Variants in PPIL2 observed in about 807,000 individuals in gnomAD.
PPIL2 encodes the protein peptidylprolyl isomerase like 2, also known as RING-type E3 ubiquitin-protein ligase PPIL2.
Under a neutral mutation model 75.2 loss-of-function variants are expected in PPIL2, and 50 were observed. The ratio of observed to expected loss-of-function variants is 0.66; its 90% CI spans 0.53 to 0.84. The LOEUF (loss-of-function observed/expected upper bound fraction) is 0.84. PPIL2 is among the 40% of genes least tolerant of loss of function. The pLI, the probability that PPIL2 is intolerant of heterozygous loss-of-function variation, is 0.00. For synonymous variants in PPIL2, 245 were observed against 258.8 expected, an observed-to-expected ratio of 0.95 and a Z score of 0.51; for missense variants, 590 against 685.0, an observed-to-expected ratio of 0.86 and a Z score of 1.55.
chr22:21,679,754 G>A (rs1167456767), intron 6 of PPIL2, among the ~76,000 whole-genome samples: 1 of 151,706 alleles, frequency 6.6e-6, no homozygotes, highest in Non-Finnish European at 1.5e-5. Flanking sequence ...ACTAATTTGA[G>A]GCTCTAACTT....
chr22:21,692,356 G>T (rs111849349), intron 15 of PPIL2, among the ~76,000 whole-genome samples: 11 of 150,984 alleles, frequency 7.3e-5, no homozygotes, highest in South Asian at 2.1e-4. Flanking sequence ...GGGTTTCACC[G>T]TGTTAGCGAG....
At chr22:21,666,970 A>ACCCCAGAACTG (rs60052262) in intron 1 of PPIL2, among the ~76,000 whole-genome samples, 148,406 of 151,478 alleles carry the variant, frequency 0.98, 72,781 homozygotes, top group African/African-American at 1. Flanking sequence ...CAGAATTTCG[A>ACCCCAGAACTG]CCCCAGAACT....
chr22:21,699,612 G>A (rs73382399), downstream of PPIL2: 2,186 of 152,776 alleles, frequency 0.014, 23 homozygotes, highest in South Asian at 0.037. Flanking sequence ...CAGGCCAGGC[G>A]TCTTCATGCA....
rs1481269449 is a variant in PPIL2 at position 21,676,958 on chromosome 22, C to T, written c.295+1843C>T. Among the ~76,000 whole-genome samples, 9 of 150,996 alleles carry T rather than the reference C, an allele frequency of 6.0e-5. No individual in the cohort carries two copies. The East Asian group carries it at 1.0e-3, about 17-fold the overall frequency. Reference sequence around the variant, plus strand: ...GCCGGGCAGAGGCGCCCCTACCTCCCGGACGGGGCGGCGGCCAGGCGGGGG... The same window carrying T: ...GCCGGGCAGAGGCGCCCCTACCTCCTGGACGGGGCGGCGGCCAGGCGGGGG... On this transcript the variant is annotated intron_variant, in intron 6 of 19. Coordinates refer to ENST00000398831, the MANE Select transcript of PPIL2 (RefSeq NM_014337.4).
chr22:21,693,664 G>A (rs759287102), intron 15 of PPIL2, 152 bp from the exon 16 acceptor site: 5 of 771,690 alleles, frequency 6.5e-6, no homozygotes, highest in African/African-American at 1.7e-5. Context: ...GCCCTGGTGG[G>A]CAGCGCAGGG....
At chr22:21,686,365 C>A in intron 10 of PPIL2, 118 bp from the exon 11 acceptor site, 1 of 958,706 alleles carries the variant, frequency 1.0e-6, no homozygotes. Context: ...GGAGGAGAGG[C>A]ACCAAGCAGG....
intron 1 of PPIL2, among the ~76,000 whole-genome samples, chr22:21,668,670 A>T (rs749983339): frequency 2.8e-4 from 43 of 151,366 alleles, no homozygotes; most frequent in Non-Finnish European, 5.4e-4. Flanking sequence ...AGAAATAGAA[A>T]TCATAAGATT....
intron 5 of PPIL2, among the ~76,000 whole-genome samples, chr22:21,674,131 T>C (rs970014825): frequency 6.6e-6 from 1 of 152,086 alleles, no homozygotes; most frequent in Non-Finnish European, 1.5e-5. Context: ...TGGGTAGGCA[T>C]AGCTGGGCCC....
intron 16 of PPIL2, 27 bp downstream of exon 16, chr22:21,693,899 G>C (rs1054010576): frequency 9.8e-6 from 15 of 1,524,962 alleles, no homozygotes; most frequent in African/African-American, 1.4e-5. Context: ...TGTGAAGCCT[G>C]GGGGGTCAGT....
intron 10 of PPIL2, 71 bp from the exon 11 acceptor site, chr22:21,686,412 G>A (rs985978431): frequency 1.6e-5 from 24 of 1,467,194 alleles, no homozygotes; most frequent in Non-Finnish European, 2.3e-5. Flanking sequence ...TTGGCTTCTA[G>A]GCAAGCGACA....
chr22:21,692,222 C>G lies in PPIL2; in HGVS notation c.1140-1594C>G, dbSNP rs1158636529. ...CCAGGCTGGAGTGCAGCGGCGCGAT[C>G]TCGGCTCACTGCAAGCTCCGCCTCC... On this transcript the variant is annotated intron_variant, in intron 15 of 19. Coordinates refer to ENST00000398831, the MANE Select transcript of PPIL2 (RefSeq NM_014337.4). 2.0e-5 allele frequency among the ~76,000 whole-genome samples: 3 copies of G among 151,614 alleles called. No homozygotes were observed. The East Asian group carries it at 5.9e-4, about 30-fold the overall frequency.
intron 1 of PPIL2, among the ~76,000 whole-genome samples, chr22:21,668,714 AT>A (rs145174874): frequency 0.65 from 84,367 of 130,612 alleles, 27,639 homozygotes; most frequent in African/African-American, 0.84. Flanking sequence ...ATAAGATACC[AT>A]TTTTTTTTTT....
Position 21,693,518 on chromosome 22 carries a change from A to T in PPIL2, c.1140-298A>T, listed in dbSNP as rs1205053048. ...TGTCCCCTCGTCCCAGCCACCTCCC[A>T]CAGAGCTGCATGGCCAACCTGGTTC... On this transcript the variant is annotated intron_variant, in intron 15 of 19. Transcript: ENST00000398831. 2.0e-5 allele frequency among the ~76,000 whole-genome samples: 3 copies of T among 152,124 alleles called. No homozygotes were observed. In the East Asian group the frequency reaches 5.8e-4, roughly 29 times the overall value.
chr22:21,668,662 A>G (rs531963070), intron 1 of PPIL2, among the ~76,000 whole-genome samples: 1 of 151,736 alleles, frequency 6.6e-6, no homozygotes, highest in East Asian at 1.9e-4. Flanking sequence ...AAAAATAAAG[A>G]AATAGAAATC....
chr22:21,666,971 C>CCCCAGAACTGA (rs2066410697), intron 1 of PPIL2, among the ~76,000 whole-genome samples: 1 of 254 alleles, frequency 3.9e-3, no homozygotes, highest in South Asian at 0.016. Flanking sequence ...AGAATTTCGA[C>CCCCAGAACTGA]CCCAGAACTG....
In PPIL2 at chr22:21,697,095, G is replaced by T. The variant is rs551024522; in HGVS notation, c.*1605G>T. 2.6e-6 allele frequency: 3 copies of T among 1,167,434 alleles called. No homozygotes were observed. Among genetic ancestry groups the T allele is most frequent in the Non-Finnish European group, 3.6e-6 (3 of 834,408 alleles). The allele number at this position is 1,167,434 out of a possible 1,614,324, so 72.3% of individuals were successfully genotyped here. A position where few individuals can be genotyped will look rare whatever the true frequency, so the allele number is the denominator to read the frequency against. On this transcript the variant is annotated 3_prime_UTR_variant, in exon 20 of 20. Transcript: ENST00000398831. Reference sequence around the variant, plus strand: ...ACTTTTGACGCCCTCCATCCCTCCCGCCAGGCACTGTCCTCCGCAAGGCCT... The same window carrying T: ...ACTTTTGACGCCCTCCATCCCTCCCTCCAGGCACTGTCCTCCGCAAGGCCT...
chr22:21,671,486 G>A (rs972398766), intron 4 of PPIL2, among the ~76,000 whole-genome samples: 4 of 152,192 alleles, frequency 2.6e-5, no homozygotes, highest in Admixed American at 2.0e-4. Context: ...GTAACACTCT[G>A]TGGATCTATT....
At position 21,693,885 on chromosome 22, in the gene PPIL2, G is replaced by T; in HGVS notation, c.1196+13G>T. Reference sequence around the variant, plus strand: ...CCATCTTTGGACGGTAAGGGAAGCGGCTGTGTGAAGCCTGGGGGGTCAGTG... The same window carrying T: ...CCATCTTTGGACGGTAAGGGAAGCGTCTGTGTGAAGCCTGGGGGGTCAGTG... On this transcript the variant is annotated intron_variant, in intron 16 of 19. Coordinates refer to ENST00000398831, the MANE Select transcript of PPIL2 (RefSeq NM_014337.4). The T allele has an allele frequency of 6.5e-7, 1 of 1,531,126 alleles. No homozygotes were observed. The highest frequency in any genetic ancestry group is 1.1e-5 in the South Asian group (1 of 89,354). The allele number at this position is 1,531,126 out of a possible 1,614,324, so 94.8% of individuals were successfully genotyped here.
chr22:21,688,355 C>T (rs186445657), intron 14 of PPIL2, among the ~76,000 whole-genome samples: 1 of 152,324 alleles, frequency 6.6e-6, no homozygotes, highest in African/African-American at 2.4e-5. Flanking sequence ...CTGGGGTCTG[C>T]CTCAGACTGA....
Sources: gnomAD v4.1 joint callset for allele counts (sites outside exome capture counted in the v4.1 genomes callset) on GRCh38, gnomAD v4.1.1 for gene constraint, MANE v1.5 for transcripts, NCBI Gene and HGNC (gene_info 2026-07-23, HGNC 2026-07-21) for gene names.